The following KCTD3 variants were observed in gnomAD, a reference collection of about 807,000 sequenced individuals.
KCTD3 encodes potassium channel tetramerization domain containing 3, also known as BTB/POZ domain-containing protein KCTD3.
A neutral mutation model predicts 85.8 loss-of-function variants in KCTD3; 41 were observed. The observed-to-expected ratio is 0.48, with a 90% CI of 0.37 to 0.62. The LOEUF (loss-of-function observed/expected upper bound fraction) is 0.62, where lower values mean the gene tolerates loss of function less well. Ranked by LOEUF, KCTD3 falls within the 20% of genes least tolerant of loss-of-function variation. The pLI is 0.00. For missense variants in KCTD3, 724 were observed against 989.9 expected, an observed-to-expected ratio of 0.73 and a Z score of 3.60; for synonymous variants, 338 against 345.4, an observed-to-expected ratio of 0.98 and a Z score of 0.24.
intron 8 of KCTD3, among the ~76,000 whole-genome samples, chr1:215,585,546 T>G (rs182101336): frequency 6.6e-6 from 1 of 152,316 alleles, no homozygotes; most frequent in East Asian, 1.9e-4. Flanking sequence ...CTTCTTTTCC[T>G]TCATCTTCTA....
intron 9 of KCTD3, among the ~76,000 whole-genome samples, chr1:215,594,427 C>T (rs1660334070): frequency 6.6e-6 from 1 of 152,154 alleles, no homozygotes; most frequent in Non-Finnish European, 1.5e-5. Flanking sequence ...CTGCTTACAA[C>T]CTCTCTCACC....
At chr1:215,609,111 T>G (rs976110676) in intron 14 of KCTD3, among the ~76,000 whole-genome samples, 5 of 152,004 alleles carry the variant, frequency 3.3e-5, no homozygotes, top group African/African-American at 1.2e-4. Context: ...AGTGCCAGGA[T>G]CTATGTTAGA....
At chr1:215,608,257 A>G in intron 14 of KCTD3, 85 bp downstream of exon 14, 1 of 811,978 alleles carries the variant, frequency 1.2e-6, no homozygotes, top group South Asian at 4.1e-5. Flanking sequence ...CACAAAAATG[A>G]GTTTTAAATA....
chr1:215,584,096 T>G (rs2102567127), intron 8 of KCTD3, among the ~76,000 whole-genome samples: 1 of 152,268 alleles, frequency 6.6e-6, no homozygotes, highest in Non-Finnish European at 1.5e-5. Flanking sequence ...ATGCCCACAA[T>G]TAGAATACTG....
intron 3 of KCTD3, 25 bp downstream of exon 3, chr1:215,574,143 T>C: frequency 4.2e-6 from 6 of 1,443,272 alleles, no homozygotes; most frequent in Non-Finnish European, 5.8e-6. Context: ...AATTGATACA[T>C]ATTCCTAAAT....
intron 13 of KCTD3, among the ~76,000 whole-genome samples, chr1:215,606,343 G>T (rs1332930245): frequency 6.6e-6 from 1 of 152,034 alleles, no homozygotes; most frequent in Non-Finnish European, 1.5e-5. Context: ...ACCTTGCTTT[G>T]TGTTCTTCAT....
chr1:215,590,202 C>T (rs904088569), intron 9 of KCTD3, among the ~76,000 whole-genome samples: 2 of 152,120 alleles, frequency 1.3e-5, no homozygotes, highest in African/African-American at 2.4e-5. Context: ...TATTAAGCAT[C>T]GTTTCCTGTA....
chr1:215,614,286 C>A (rs1351784613), intron 15 of KCTD3, among the ~76,000 whole-genome samples: 2 of 152,060 alleles, frequency 1.3e-5, no homozygotes, highest in Non-Finnish European at 2.9e-5. Context: ...TCACCTCCGC[C>A]TCCCAAAGTG....
Position 215,604,296 on chromosome 1 carries a change from G to A in KCTD3, c.1303G>A (p.Val435Ile). 6.2e-7 allele frequency: 1 copy of A among 1,612,456 alleles called. No individual in the cohort carries two copies. The highest frequency in any genetic ancestry group is 8.5e-7 in the Non-Finnish European group (1 of 1,178,770). Reference protein sequence around the residue: ...TKIMLSEKHLVSVCADNNHVR... With the variant: ...TKIMLSEKHLISVCADNNHVR... The stretch of plus-strand genomic sequence containing the variant: ...AATCATGCTATCAGAGAAGCATCTT[G>A]TATCAGGTAAAATGATTTCATTATA... The change falls in exon 13 of 18, where the codon GTA (valine) becomes ATA (isoleucine). Residue 435 changes from valine (V) to isoleucine (I), a missense_variant. This residue lies in a region of KCTD3 where 146 missense variants were observed against 320.3 expected (regional missense o/e 0.46). Coordinates refer to ENST00000259154, the MANE Select transcript of KCTD3 (RefSeq NM_016121.5).
intron 13 of KCTD3, 131 bp from the exon 14 acceptor site, chr1:215,607,886 G>GTA (rs1300615436): frequency 1.7e-6 from 1 of 591,222 alleles, no homozygotes; most frequent in Non-Finnish European, 2.6e-6. Flanking sequence ...CACAAATCAA[G>GTA]TATAGTTTTA....
At position 215,620,655 on chromosome 1, in the gene KCTD3, A is replaced by G; in HGVS notation, c.*37A>G. Reference sequence around the variant, plus strand: ...AATGAATAGTTGTTTCGTTACATTTAGATGAAAGTTAAACTTTACTGAATT... The same window carrying G: ...AATGAATAGTTGTTTCGTTACATTTGGATGAAAGTTAAACTTTACTGAATT... On this transcript the variant is annotated 3_prime_UTR_variant, in exon 18 of 18. Transcript: ENST00000259154. 1 of 1,401,310 alleles carries G rather than the reference A, an allele frequency of 7.1e-7. No homozygotes were observed. Among genetic ancestry groups the G allele is most frequent in the Non-Finnish European group, 9.7e-7 (1 of 1,028,422 alleles). 86.8% of individuals were successfully genotyped at this position (1,401,310 alleles called of 1,614,324 possible).
At chr1:215,612,355 A>T (rs372206085) in intron 15 of KCTD3, among the ~76,000 whole-genome samples, 2 of 152,312 alleles carry the variant, frequency 1.3e-5, no homozygotes, top group South Asian at 4.1e-4. Context: ...AAATGATATT[A>T]ATAACACTAA....
At position 215,578,985 on chromosome 1, in the gene KCTD3, TTCTTC is replaced by T. The variant is rs1161490092; in HGVS notation, c.398-10_398-6del. ...TGAACTTAGGAATGTATTTGTTTTC[TTCTTC>T]TCTTTATAGGTATTCCTAGTCGTAA... is the stretch of plus-strand genomic sequence containing the variant. On this transcript the variant is annotated splice_polypyrimidine_tract_variant and intron_variant, in intron 6 of 17. Transcript: ENST00000259154. 1 of 1,509,030 alleles carries T rather than the reference TTCTTC, an allele frequency of 6.6e-7. No individual in the cohort carries two copies. Among genetic ancestry groups the T allele is most frequent in the South Asian group, 1.3e-5 (1 of 78,962 alleles). 93.5% of individuals were successfully genotyped at this position (1,509,030 alleles called of 1,614,324 possible).
rs771007497 is a variant in KCTD3 at position 215,578,106 on chromosome 1, T to TA, written c.397+31dup. The TA allele has an allele frequency of 1.3e-4, 212 of 1,593,922 alleles. No individual in the cohort carries two copies. In the African/African-American group the frequency reaches 1.8e-3, roughly 13 times the overall value. On this transcript the variant is annotated intron_variant, in intron 6 of 17. Transcript: ENST00000259154. ...GGTATTTTCACTTTATTAAATCTTT[T>TA]AAAAAATTCCTTGTATCATTAAGCA...
intron 15 of KCTD3, among the ~76,000 whole-genome samples, chr1:215,612,914 A>C (rs966496045): frequency 6.6e-6 from 1 of 152,156 alleles, no homozygotes; most frequent in Non-Finnish European, 1.5e-5. Context: ...TGCATTAAAC[A>C]AATTTTTTTG....
intron 6 of KCTD3, among the ~76,000 whole-genome samples, chr1:215,578,669 G>A (rs371692182): frequency 5.7e-4 from 87 of 152,226 alleles, no homozygotes; most frequent in African/African-American, 1.9e-3. Context: ...TTATTACATA[G>A]TACCTAACAC....
rs182556210 is a variant in KCTD3 at position 215,596,973 on chromosome 1, G to A, written c.933+1502G>A. 3.3e-5 allele frequency among the ~76,000 whole-genome samples: 5 copies of A among 152,214 alleles called. No individual in the cohort carries two copies. The East Asian group carries it at 7.7e-4, about 24-fold the overall frequency. On this transcript the variant is annotated intron_variant, in intron 10 of 17. Coordinates refer to ENST00000259154, the MANE Select transcript of KCTD3 (RefSeq NM_016121.5). The stretch of plus-strand genomic sequence containing the variant: ...AGACATTTCTTTCTCTGTGACAGAA[G>A]GGTAAGGAAGGAGTAAAGAGAAAGA...
chr1:215,614,493 C>T (rs370535368), intron 15 of KCTD3, among the ~76,000 whole-genome samples: 6 of 152,132 alleles, frequency 3.9e-5, no homozygotes, highest in African/African-American at 9.7e-5. Flanking sequence ...CTGCTTTCTT[C>T]GAGCAGTGTT....
At chr1:215,614,035 T>G (rs59061106) in intron 15 of KCTD3, among the ~76,000 whole-genome samples, 5 of 139,330 alleles carry the variant, frequency 3.6e-5, no homozygotes, top group South Asian at 5.2e-4. Flanking sequence ...TTTTTTTTTT[T>G]TTTTTTTTTT....
Sources: gnomAD v4.1 joint callset for allele counts (sites outside exome capture counted in the v4.1 genomes callset) on GRCh38, gnomAD v4.1.1 for gene constraint, gnomAD v4.1.1 regional missense constraint, MANE v1.5 for transcripts, NCBI Gene and HGNC (gene_info 2026-07-23, HGNC 2026-07-21) for gene names.